Variants in IL1RAPL1 observed in about 807,000 individuals in gnomAD.
The protein encoded by IL1RAPL1 is interleukin-1 receptor accessory protein-like 1.
In IL1RAPL1, 3 loss-of-function variants were observed where a neutral mutation model predicts 48.4. The observed-to-expected ratio is 0.06, with a 90% CI of 0.03 to 0.16. The LOEUF (loss-of-function observed/expected upper bound fraction) is 0.16. Among genes scored for constraint, IL1RAPL1 ranks in the 10% least tolerant of loss-of-function variants. IL1RAPL1 has a pLI of 1.00. For synonymous variants in IL1RAPL1, 185 were observed against 187.7 expected (o/e 0.99, Z 0.12); for missense variants, 349 against 530.6 (o/e 0.66, Z 3.36).
chrX:28,893,335 C>T (rs758803675), intron 2 of IL1RAPL1, among the ~76,000 whole-genome samples: 2 of 110,520 alleles, frequency 1.8e-5, no homozygotes, highest in African/African-American at 3.3e-5. Context: ...TTTAAAAGAC[C>T]ATTAGTTCAC....
chrX:29,258,086 G>C (rs1483175070), intron 2 of IL1RAPL1, among the ~76,000 whole-genome samples: 1 of 110,594 alleles, frequency 9.0e-6, no homozygotes, highest in Non-Finnish European at 1.9e-5. Flanking sequence ...ACTTTACAGA[G>C]AGGAACAAAT....
At chrX:28,660,472 A>G (rs1177626160) in intron 1 of IL1RAPL1, among the ~76,000 whole-genome samples, 1 of 111,508 alleles carries the variant, frequency 9.0e-6, no homozygotes, top group Admixed American at 9.6e-5. Flanking sequence ...AAAGACAGAA[A>G]GGGTAACATA....
At chrX:29,407,642 T>C (rs1370234792) in intron 5 of IL1RAPL1, among the ~76,000 whole-genome samples, 4 of 111,829 alleles carry the variant, frequency 3.6e-5, no homozygotes, top group Non-Finnish European at 7.5e-5. Context: ...AAGCAAGCAA[T>C]TCTGTAGGAT....
intron 1 of IL1RAPL1, among the ~76,000 whole-genome samples, chrX:28,656,273 C>T (rs1465792476): frequency 9.0e-6 from 1 of 110,838 alleles, no homozygotes; most frequent in Non-Finnish European, 1.9e-5. Context: ...TTTTCTTCTC[C>T]TACTCTTCTG....
intron 6 of IL1RAPL1, among the ~76,000 whole-genome samples, chrX:29,875,560 C>T (rs1374648331): frequency 9.0e-6 from 1 of 111,414 alleles, no homozygotes; most frequent in Non-Finnish European, 1.9e-5. Flanking sequence ...CAGTGATTTT[C>T]GTGCACACTA....
At chrX:29,906,509 ATATATATATAT>A (rs1932634171) in intron 6 of IL1RAPL1, among the ~76,000 whole-genome samples, 1 of 34,999 alleles carries the variant, frequency 2.9e-5, no homozygotes, top group Non-Finnish European at 4.9e-5. Context: ...ATATATATAT[ATATATATATAT>A]ATTTCTGTAG....
At chrX:29,184,741 T>C (rs777969119) in intron 2 of IL1RAPL1, among the ~76,000 whole-genome samples, 2 of 111,560 alleles carry the variant, frequency 1.8e-5, no homozygotes, top group South Asian at 7.6e-4. Context: ...CCTCAAGTCA[T>C]CTGCCTGCCT....
intron 5 of IL1RAPL1, among the ~76,000 whole-genome samples, chrX:29,593,580 A>G (rs1923450868): frequency 9.0e-6 from 1 of 111,682 alleles, no homozygotes; most frequent in Non-Finnish European, 1.9e-5. Context: ...CTTTCATGTT[A>G]TAATAAAACC....
intron 3 of IL1RAPL1, among the ~76,000 whole-genome samples, chrX:29,380,891 T>G (rs868803074): frequency 1.2e-3 from 130 of 111,776 alleles, no homozygotes; most frequent in African/African-American, 3.9e-3. Context: ...CTAATAAAAT[T>G]TCAAGAAGAA....
At chrX:28,900,163 G>A (rs1923037424) in intron 2 of IL1RAPL1, among the ~76,000 whole-genome samples, 1 of 112,081 alleles carries the variant, frequency 8.9e-6, no homozygotes, top group Non-Finnish European at 1.9e-5. Context: ...CTTTGTGGAA[G>A]CTTTCTCATT....
intron 2 of IL1RAPL1, among the ~76,000 whole-genome samples, chrX:29,080,986 TTCTTTCTTTC>T (rs1258220610): frequency 5.4e-4 from 21 of 39,056 alleles, no homozygotes; most frequent in East Asian, 3.4e-3. Flanking sequence ...CTTTCTTTCT[TTCTTTCTTTC>T]TCTCTCTCTC....
At chrX:29,861,492 A>G (rs1039649747) in intron 6 of IL1RAPL1, among the ~76,000 whole-genome samples, 2 of 111,481 alleles carry the variant, frequency 1.8e-5, no homozygotes, top group African/African-American at 6.5e-5. Context: ...AGGAATATAC[A>G]TCACCCTCAG....
chrX:28,973,604 A>T (rs559085597), intron 2 of IL1RAPL1, among the ~76,000 whole-genome samples: 2 of 111,703 alleles, frequency 1.8e-5, no homozygotes, highest in East Asian at 5.6e-4. Flanking sequence ...AGCTGGACTC[A>T]CGGTTCTTCT....
At chrX:29,253,503 A>G (rs1046694803) in intron 2 of IL1RAPL1, among the ~76,000 whole-genome samples, 7 of 111,340 alleles carry the variant, frequency 6.3e-5, no homozygotes, top group Non-Finnish European at 1.3e-4. Flanking sequence ...GGTCGTAACT[A>G]ACATATATAT....
Position 28,789,959 on chromosome X carries a change from G to C in IL1RAPL1, c.82+534G>C, listed in dbSNP as rs750576699. ...GAGGTAAAGTAGGATGGTAATGAAA[G>C]GAACTACTAAATAGATTAATGTTGG... On this transcript the variant is annotated intron_variant, in intron 2 of 10. Coordinates refer to ENST00000378993, the MANE Select transcript of IL1RAPL1 (RefSeq NM_014271.4). Among the ~76,000 whole-genome samples the C allele has an allele frequency of 7.1e-5, 8 of 111,901 alleles. No homozygotes were observed. In the East Asian group the frequency reaches 2.3e-3, roughly 32 times the overall value.
At chrX:28,723,024 T>C (rs1291218507) in intron 1 of IL1RAPL1, among the ~76,000 whole-genome samples, 1 of 111,776 alleles carries the variant, frequency 8.9e-6, no homozygotes. Flanking sequence ...TTTACATCGA[T>C]GTTCATCAGG....
chrX:28,640,184 T>C (rs978175015), intron 1 of IL1RAPL1, among the ~76,000 whole-genome samples: 2 of 111,738 alleles, frequency 1.8e-5, no homozygotes, highest in Non-Finnish European at 3.8e-5. Flanking sequence ...TTGCATACTA[T>C]GAATAGGCTA....
At chrX:29,416,679 G>T (rs1934221697) in intron 5 of IL1RAPL1, among the ~76,000 whole-genome samples, 2 of 111,967 alleles carry the variant, frequency 1.8e-5, no homozygotes, top group African/African-American at 6.5e-5. Context: ...GTTTCATGAG[G>T]ATTTACAAAT....
At chrX:29,269,311 G>A (rs1279713972) in intron 2 of IL1RAPL1, among the ~76,000 whole-genome samples, 2 of 111,211 alleles carry the variant, frequency 1.8e-5, no homozygotes, top group Non-Finnish European at 3.8e-5. Flanking sequence ...TTGCTAAGTA[G>A]CACTGAGGCA....
Sources: gnomAD v4.1 joint callset for allele counts (sites outside exome capture counted in the v4.1 genomes callset) on GRCh38, gnomAD v4.1.1 for gene constraint, MANE v1.5 for transcripts, NCBI Gene and HGNC (gene_info 2026-07-23, HGNC 2026-07-21) for gene names.